GRIN2B: variants seen among roughly 807,000 people sequenced by gnomAD.
The protein encoded by GRIN2B is glutamate receptor ionotropic, NMDA 2B.
A neutral mutation model predicts 114.5 loss-of-function variants in GRIN2B; 5 were observed. That is an observed-to-expected ratio of 0.04 (90% confidence interval 0.02 to 0.09). GRIN2B has a LOEUF of 0.09. Among genes scored for constraint, GRIN2B ranks in the 10% least tolerant of loss-of-function variants. The pLI, the probability that GRIN2B is intolerant of heterozygous loss-of-function variation, is 1.00. For synonymous variants in GRIN2B, 787 were observed against 745.1 expected, an observed-to-expected ratio of 1.06 and a Z score of -0.92; for missense variants, 1,108 against 1,943.5, an observed-to-expected ratio of 0.57 and a Z score of 8.08.
chr12:13,741,263 C>A (rs941521325), intron 4 of GRIN2B, among the ~76,000 whole-genome samples: 13 of 152,118 alleles, frequency 8.5e-5, no homozygotes, highest in African/African-American at 3.1e-4. Context: ...AACTCCTGAC[C>A]TCATGATCCA....
At chr12:13,590,133 T>C (rs1276096714) in intron 10 of GRIN2B, among the ~76,000 whole-genome samples, 1 of 152,130 alleles carries the variant, frequency 6.6e-6, no homozygotes, top group Non-Finnish European at 1.5e-5. Context: ...TTAGGTTTAC[T>C]TTTTCTGAGT....
chr12:13,909,621 A>C (rs929770501), intron 2 of GRIN2B, among the ~76,000 whole-genome samples: 8 of 152,236 alleles, frequency 5.3e-5, no homozygotes, highest in Non-Finnish European at 2.9e-5. Flanking sequence ...GATTGCATCC[A>C]GCGGCCTGAC....
chr12:13,593,559 T>C (rs2417294), intron 10 of GRIN2B, among the ~76,000 whole-genome samples: 151,560 of 152,364 alleles, frequency 0.99, 75,382 homozygotes, highest in Middle Eastern at 1. Context: ...GATGGCTTAA[T>C]GACTTAAATG....
At chr12:13,706,965 C>T (rs903354674) in intron 4 of GRIN2B, among the ~76,000 whole-genome samples, 2 of 152,060 alleles carry the variant, frequency 1.3e-5, no homozygotes, top group African/African-American at 4.8e-5. Context: ...TCTCTTTGCC[C>T]AAGCTTGGCT....
chr12:13,884,130 C>T (rs1168790291), intron 2 of GRIN2B, among the ~76,000 whole-genome samples: 1 of 152,158 alleles, frequency 6.6e-6, no homozygotes, highest in East Asian at 1.9e-4. Context: ...TATTACCACA[C>T]TGTCTTGACT....
intron 3 of GRIN2B, among the ~76,000 whole-genome samples, chr12:13,814,063 T>C (rs1435808030): frequency 2.0e-5 from 3 of 152,072 alleles, no homozygotes; most frequent in Admixed American, 6.5e-5. Context: ...TTGGGGGAAA[T>C]AGGAAAGTTA....
At chr12:13,626,927 C>T (rs994199772) in intron 5 of GRIN2B, among the ~76,000 whole-genome samples, 1 of 150,798 alleles carries the variant, frequency 6.6e-6, no homozygotes, top group Non-Finnish European at 1.5e-5. Flanking sequence ...TTTTATTCCA[C>T]CTCCTGGTCT....
intron 2 of GRIN2B, among the ~76,000 whole-genome samples, chr12:13,954,225 G>A (rs748118505): frequency 6.6e-6 from 1 of 152,076 alleles, no homozygotes; most frequent in Non-Finnish European, 1.5e-5. Context: ...GATTCTGAAC[G>A]TCTCACCTCA....
chr12:13,767,305 T>C (rs1863814973), intron 3 of GRIN2B, among the ~76,000 whole-genome samples: 1 of 151,300 alleles, frequency 6.6e-6, no homozygotes, highest in African/African-American at 2.4e-5. Context: ...ATTTTCCTTC[T>C]CCAGTTCAAC....
intron 4 of GRIN2B, among the ~76,000 whole-genome samples, chr12:13,689,573 GCCT>G (rs1950198253): frequency 6.6e-6 from 1 of 151,990 alleles, no homozygotes. Context: ...ACTTGCAACA[GCCT>G]CCTCCTGGGC....
intron 2 of GRIN2B, among the ~76,000 whole-genome samples, chr12:13,900,329 G>A (rs571100409): frequency 7.6e-4 from 116 of 152,054 alleles, no homozygotes; most frequent in African/African-American, 2.7e-3. Flanking sequence ...CAAAAAATTA[G>A]CTGGTCATGG....
chr12:13,708,315 A>G (rs1950380612), intron 4 of GRIN2B, among the ~76,000 whole-genome samples: 2 of 151,972 alleles, frequency 1.3e-5, no homozygotes, highest in African/African-American at 4.8e-5. Flanking sequence ...TGTTATTTCC[A>G]TTTTACAGAG....
chr12:13,556,377 G>A lies in GRIN2B; in HGVS notation c.*6406C>T, dbSNP rs1199033240. 1 of 152,044 alleles carries A rather than the reference G, an allele frequency of 6.6e-6. No homozygotes were observed. Among genetic ancestry groups the A allele is most frequent in the Admixed American group, 6.5e-5 (1 of 15,270 alleles). 9.4% of individuals were successfully genotyped at this position (152,044 alleles called of 1,614,324 possible). ...ACTTATGCTTTCATATATTCTACGT[G>A]AGTACAATATACTCCATTTTGAAAC... On this transcript the variant is annotated 3_prime_UTR_variant, in exon 14 of 14. Transcript: ENST00000609686.
intron 2 of GRIN2B, among the ~76,000 whole-genome samples, chr12:13,951,254 T>G (rs1459850484): frequency 6.6e-6 from 1 of 152,142 alleles, no homozygotes; most frequent in African/African-American, 2.4e-5. Flanking sequence ...ACCCTAGATA[T>G]AGTACAGGGA....
chr12:13,617,638 C>T (rs1399812704), intron 5 of GRIN2B, among the ~76,000 whole-genome samples: 1 of 152,210 alleles, frequency 6.6e-6, no homozygotes, highest in African/African-American at 2.4e-5. Context: ...AACTGAGCAT[C>T]TTCAATTATC....
chr12:13,898,637 C>T (rs953723924), intron 2 of GRIN2B, among the ~76,000 whole-genome samples: 2 of 152,186 alleles, frequency 1.3e-5, no homozygotes, highest in African/African-American at 4.8e-5. Context: ...CTGGGCTGGG[C>T]ACGGTGGCTC....
chr12:13,789,153 C>A (rs1864273051), intron 3 of GRIN2B, among the ~76,000 whole-genome samples: 1 of 152,092 alleles, frequency 6.6e-6, no homozygotes, highest in African/African-American at 2.4e-5. Context: ...ATGTTTTATC[C>A]ATAGACTTGC....
chr12:13,625,182 C>T lies in GRIN2B; in HGVS notation c.1126-8525G>A, dbSNP rs148923703. On this transcript the variant is annotated intron_variant, in intron 5 of 13. Transcript: ENST00000609686. ...GACCAAAAAACCCAAGGCTCATTGA[C>T]GGACCAGAATTTTGTCTCTGATTTG... Among the ~76,000 whole-genome samples the T allele has an allele frequency of 4.6e-5, 7 of 152,322 alleles. No individual in the cohort carries two copies. The East Asian group carries it at 5.8e-4, about 13-fold the overall frequency.
chr12:13,769,326 T>C (rs1422309011), intron 3 of GRIN2B, among the ~76,000 whole-genome samples: 1 of 152,108 alleles, frequency 6.6e-6, no homozygotes, highest in East Asian at 1.9e-4. Context: ...TTTCCCATTC[T>C]GTTTTCATCC....
Sources: allele counts gnomAD v4.1 joint callset (sites outside exome capture counted in the v4.1 genomes callset), GRCh38; gene constraint gnomAD v4.1.1; transcripts MANE v1.5; gene names NCBI Gene and HGNC (gene_info 2026-07-23, HGNC 2026-07-21).